CENPP: variants seen among roughly 807,000 people sequenced by gnomAD.
The protein encoded by CENPP is centromere protein P.
Under a neutral mutation model 35.6 loss-of-function variants are expected in CENPP, and 24 were observed. The observed-to-expected ratio is 0.67, with a 90% confidence interval of 0.49 to 0.95. CENPP has a LOEUF of 0.95. CENPP is among the 40% of genes least tolerant of loss of function. The pLI is 0.00. For missense variants in CENPP, 332 were observed against 345.3 expected, an observed-to-expected ratio of 0.96 and a Z score of 0.31; for synonymous variants, 120 against 125.5, an observed-to-expected ratio of 0.96 and a Z score of 0.29.
At chr9:92,565,300 A>G (rs331382) in intron 5 of CENPP, among the ~76,000 whole-genome samples, 2,247 of 146,006 alleles carry the variant, frequency 0.015, 3 homozygotes, top group Non-Finnish European at 0.026. Context: ...AGCTAAAAAA[A>G]AAAAAAAAAA....
chr9:92,604,204 G>C (rs1429907349), intron 5 of CENPP, among the ~76,000 whole-genome samples: 1 of 152,198 alleles, frequency 6.6e-6, no homozygotes, highest in East Asian at 1.9e-4. Context: ...CCAGAACTTA[G>C]TATTGTTCTC....
chr9:92,388,027 G>A (rs1282413861), intron 5 of CENPP, among the ~76,000 whole-genome samples: 1 of 152,084 alleles, frequency 6.6e-6, no homozygotes, highest in African/African-American at 2.4e-5. Flanking sequence ...GCCTCCCAAA[G>A]TGCTAGGATT....
At chr9:92,594,892 CTTTTTTT>C (rs1213825480) in intron 5 of CENPP, among the ~76,000 whole-genome samples, 1 of 105,116 alleles carries the variant, frequency 9.5e-6, no homozygotes, top group Non-Finnish European at 1.9e-5. Flanking sequence ...GGTTGCTCTT[CTTTTTTT>C]TTTTTTTTTT....
At position 92,509,252 on chromosome 9, in the gene CENPP, A is replaced by G. The variant is rs893795581; in HGVS notation, c.565-102062A>G. Among the ~76,000 whole-genome samples the G allele has an allele frequency of 3.9e-5, 6 of 152,262 alleles. No homozygotes were observed. In the East Asian group the frequency reaches 1.2e-3, roughly 29 times the overall value. On this transcript the variant is annotated intron_variant, in intron 5 of 7. Transcript: ENST00000375587. ...GACTTCAGTGACATATGAGTACAGA[A>G]GTTCCAGCCCAAGCCCTCTCAGGCA...
intron 5 of CENPP, among the ~76,000 whole-genome samples, chr9:92,448,273 CTT>C (rs980637699): frequency 3.5e-5 from 5 of 142,732 alleles, no homozygotes. Flanking sequence ...TCTCTTTTTT[CTT>C]TTTTTTTTTT....
intron 5 of CENPP, chr9:92,457,113 T>C: frequency 7.1e-7 from 1 of 1,407,506 alleles, no homozygotes; most frequent in Non-Finnish European, 9.2e-7. Flanking sequence ...TATGTATCAA[T>C]AGTTTGGCAA....
chr9:92,371,549 C>G (rs570916853), intron 4 of CENPP, among the ~76,000 whole-genome samples: 47 of 152,186 alleles, frequency 3.1e-4, no homozygotes, highest in African/African-American at 1.1e-3. Context: ...TCCTGTAGAA[C>G]GTTCTACGTT....
chr9:92,592,200 T>C (rs1041504577), intron 5 of CENPP, among the ~76,000 whole-genome samples: 3 of 151,914 alleles, frequency 2.0e-5, no homozygotes, highest in Non-Finnish European at 4.4e-5. Context: ...AAATATACAG[T>C]TTGATAGTTT....
At chr9:92,347,009 G>T (rs1841311977) in intron 4 of CENPP, among the ~76,000 whole-genome samples, 1 of 151,930 alleles carries the variant, frequency 6.6e-6, no homozygotes, top group Non-Finnish European at 1.5e-5. Context: ...CACAGTAGAG[G>T]TGGGGGTGGG....
chr9:92,573,261 C>T (rs1333073174), intron 5 of CENPP, among the ~76,000 whole-genome samples: 3 of 152,172 alleles, frequency 2.0e-5, no homozygotes, highest in Admixed American at 1.3e-4. Context: ...ATGATGGTGA[C>T]GTACAGATGG....
chr9:92,587,981 T>C (rs868362839), intron 5 of CENPP, among the ~76,000 whole-genome samples: 8 of 151,718 alleles, frequency 5.3e-5, no homozygotes, highest in Middle Eastern at 3.4e-3. Flanking sequence ...AAAAATTAGC[T>C]GGGCATGTTG....
chr9:92,573,416 A>G, intron 5 of CENPP, among the ~76,000 whole-genome samples: 1 of 152,192 alleles, frequency 6.6e-6, no homozygotes, highest in East Asian at 1.9e-4. Context: ...AGAACAGCAA[A>G]TATTGCAGAA....
chr9:92,616,096 C>G lies in CENPP; in HGVS notation c.*2947C>G, dbSNP rs146353884. The G allele has an allele frequency of 1.5e-3, 2,171 of 1,418,014 alleles. 31 individuals carry two copies. The African/African-American group carries it at 0.026, about 17-fold the overall frequency. The allele number at this position is 1,418,014 out of a possible 1,614,324, so 87.8% of individuals were successfully genotyped here. On this transcript the variant is annotated 3_prime_UTR_variant, in exon 8 of 8. Coordinates refer to ENST00000375587, the MANE Select transcript of CENPP (RefSeq NM_001012267.3). ...GTACCATTTCAGGATACACAAGCCC[C>G]CCATTCATTTCCCTCCCTCCCGTTC...
chr9:92,533,190 C>T (rs964543425), intron 5 of CENPP, among the ~76,000 whole-genome samples: 2 of 148,164 alleles, frequency 1.3e-5, no homozygotes, highest in African/African-American at 2.5e-5. Context: ...GTCCCAGATA[C>T]TCAGGAAGCT....
At chr9:92,441,557 A>G (rs865964894) in intron 5 of CENPP, among the ~76,000 whole-genome samples, 1 of 152,042 alleles carries the variant, frequency 6.6e-6, no homozygotes, top group Admixed American at 6.5e-5. Context: ...CCAGGAGTTC[A>G]AGACCAGCCT....
At chr9:92,391,391 A>G (rs1484118582) in intron 5 of CENPP, among the ~76,000 whole-genome samples, 1 of 152,218 alleles carries the variant, frequency 6.6e-6, no homozygotes. Context: ...TGGGCAACAG[A>G]GTAAGACTCC....
At chr9:92,600,337 A>G in intron 5 of CENPP, 1 of 1,519,202 alleles carries the variant, frequency 6.6e-7, no homozygotes, top group Non-Finnish European at 8.8e-7. Context: ...GTTTATTAAA[A>G]TTCCCCAGCT....
chr9:92,366,458 T>C (rs2025388), intron 4 of CENPP, among the ~76,000 whole-genome samples: 67,581 of 151,884 alleles, frequency 0.44, 17,302 homozygotes, highest in African/African-American at 0.7. Context: ...TTACAGATTG[T>C]TTATTGTTTG....
intron 5 of CENPP, among the ~76,000 whole-genome samples, chr9:92,388,436 A>G (rs1842526450): frequency 6.6e-6 from 1 of 152,054 alleles, no homozygotes; most frequent in Admixed American, 6.5e-5. Context: ...TGCTGGGATT[A>G]TAGGCGTGAG....
Sources: gnomAD v4.1 joint callset for allele counts (sites outside exome capture counted in the v4.1 genomes callset) on GRCh38, gnomAD v4.1.1 for gene constraint, MANE v1.5 for transcripts, NCBI Gene and HGNC (gene_info 2026-07-23, HGNC 2026-07-21) for gene names.